Variants in ADAM12 observed in about 807,000 individuals in gnomAD.
The protein encoded by ADAM12 is ADAM metallopeptidase domain 12.
A neutral mutation model predicts 106.4 loss-of-function variants in ADAM12; 70 were observed. That is an observed-to-expected ratio of 0.66 (90% CI 0.54 to 0.80). ADAM12 has a LOEUF of 0.80. ADAM12 is among the 30% of genes least tolerant of loss of function. ADAM12 has a pLI of 0.00. For synonymous variants in ADAM12, 420 were observed against 433.5 expected (o/e 0.97, Z 0.39); for missense variants, 1,010 against 1,171.9 (o/e 0.86, Z 2.02).
intron 1 of ADAM12, among the ~76,000 whole-genome samples, chr10:126,352,270 T>C (rs11597735): frequency 0.28 from 42,094 of 152,146 alleles, 6,005 homozygotes; most frequent in Middle Eastern, 0.33. Context: ...CAACAGACAC[T>C]ATTGTCTGGC....
At chr10:126,342,269 G>A (rs1854957153) in intron 1 of ADAM12, among the ~76,000 whole-genome samples, 1 of 152,172 alleles carries the variant, frequency 6.6e-6, no homozygotes, top group Non-Finnish European at 1.5e-5. Context: ...GGTAGGTGCT[G>A]ACATGATTTT....
chr10:126,243,473 C>CTGTGTGTGTGTGTGTG (rs1215369145), intron 3 of ADAM12, among the ~76,000 whole-genome samples: 12 of 97,258 alleles, frequency 1.2e-4, no homozygotes, highest in Non-Finnish European at 1.4e-4. Flanking sequence ...GGGAGCAACT[C>CTGTGTGTGTGTGTGTG]TGTGTGTGTG....
chr10:126,346,757 A>G (rs1855155749), intron 1 of ADAM12, among the ~76,000 whole-genome samples: 2 of 152,088 alleles, frequency 1.3e-5, no homozygotes, highest in South Asian at 4.1e-4. Flanking sequence ...TGTTGAATTG[A>G]TCCCTTTACC....
intron 3 of ADAM12, among the ~76,000 whole-genome samples, chr10:126,219,441 G>T (rs1476177194): frequency 1.3e-5 from 2 of 152,084 alleles, no homozygotes; most frequent in Non-Finnish European, 2.9e-5. Flanking sequence ...TTAGCTATGT[G>T]CGACACAGAC....
At chr10:126,338,801 T>C (rs1358091446) in intron 1 of ADAM12, among the ~76,000 whole-genome samples, 1 of 152,224 alleles carries the variant, frequency 6.6e-6, no homozygotes, top group Non-Finnish European at 1.5e-5. Context: ...AAAATGAAAC[T>C]AATTGTTAAA....
chr10:126,375,051 G>A (rs1028476236), intron 1 of ADAM12, among the ~76,000 whole-genome samples: 1 of 151,980 alleles, frequency 6.6e-6, no homozygotes, highest in Admixed American at 6.6e-5. Flanking sequence ...GATACAACAG[G>A]TAATATCTGC....
chr10:126,345,126 T>C (rs1199711047), intron 1 of ADAM12, among the ~76,000 whole-genome samples: 2 of 152,144 alleles, frequency 1.3e-5, no homozygotes, highest in Non-Finnish European at 2.9e-5. Flanking sequence ...ATGCTTCCAG[T>C]TTTTGCCCAT....
intron 1 of ADAM12, among the ~76,000 whole-genome samples, chr10:126,366,258 G>A (rs144625653): frequency 0.017 from 2,565 of 152,230 alleles, 40 homozygotes; most frequent in Non-Finnish European, 0.021. Context: ...AAAAATGACA[G>A]ATGAATGAAT....
At chr10:126,322,813 T>G (rs1265830893) in intron 2 of ADAM12, among the ~76,000 whole-genome samples, 2 of 152,186 alleles carry the variant, frequency 1.3e-5, no homozygotes, top group African/African-American at 4.8e-5. Flanking sequence ...CCTCCCACCA[T>G]GCATGGAAAT....
At chr10:126,202,161 T>C (rs1210785135) in intron 3 of ADAM12, among the ~76,000 whole-genome samples, 2 of 152,244 alleles carry the variant, frequency 1.3e-5, no homozygotes, top group South Asian at 2.1e-4. Flanking sequence ...ATCCACCCCA[T>C]GTGGGGAAGT....
chr10:126,170,302 C>T (rs1674939), intron 3 of ADAM12, among the ~76,000 whole-genome samples: 4,242 of 152,142 alleles, frequency 0.028, 219 homozygotes, highest in African/African-American at 0.098. Context: ...CAGCAGGGAT[C>T]CGGGGCGGCG....
chr10:126,311,094 T>TACACACACACACACACACAC (rs67514376), intron 2 of ADAM12, among the ~76,000 whole-genome samples: 16 of 138,520 alleles, frequency 1.2e-4, no homozygotes, highest in South Asian at 2.5e-4. Context: ...TACACACAAA[T>TACACACACACACACACACAC]ACACACACAC....
chr10:126,071,386 A>G, intron 12 of ADAM12, 91 bp downstream of exon 12: 60 of 1,473,822 alleles, frequency 4.1e-5, no homozygotes, highest in Non-Finnish European at 5.5e-5. Context: ...TAGTACTTTC[A>G]TCTGGCTGTA....
chr10:126,225,644 C>A (rs988255576), intron 3 of ADAM12, among the ~76,000 whole-genome samples: 1 of 152,172 alleles, frequency 6.6e-6, no homozygotes, highest in Non-Finnish European at 1.5e-5. Context: ...GGCCTGGATT[C>A]CCCTTCACAA....
chr10:126,137,027 G>A (rs1956417676), intron 4 of ADAM12, among the ~76,000 whole-genome samples: 3 of 152,034 alleles, frequency 2.0e-5, no homozygotes, highest in African/African-American at 7.2e-5. Context: ...TGTTTTCAGG[G>A]TCACAAATAT....
intron 1 of ADAM12, among the ~76,000 whole-genome samples, chr10:126,331,797 T>A (rs1358265534): frequency 6.6e-6 from 1 of 152,152 alleles, no homozygotes; most frequent in Non-Finnish European, 1.5e-5. Flanking sequence ...TCTTCAGGGA[T>A]GAACCTGCAT....
intron 14 of ADAM12, among the ~76,000 whole-genome samples, chr10:126,059,696 C>G (rs1710300): frequency 0.66 from 100,443 of 151,662 alleles, 33,969 homozygotes; most frequent in East Asian, 0.93. Flanking sequence ...CCAAACATTG[C>G]ATTCTGGTGA....
At chr10:126,313,413 G>A (rs10901588) in intron 2 of ADAM12, among the ~76,000 whole-genome samples, 29,748 of 152,216 alleles carry the variant, frequency 0.2, 3,094 homozygotes, top group South Asian at 0.25. Flanking sequence ...CACCTTGGAA[G>A]CTGGCTATCA....
At chr10:126,258,231 CTT>C (rs1958931502) in intron 3 of ADAM12, among the ~76,000 whole-genome samples, 1 of 152,178 alleles carries the variant, frequency 6.6e-6, no homozygotes. Flanking sequence ...TACAAAAACA[CTT>C]TTATTTGCAA....
Sources: allele counts gnomAD v4.1 joint callset (sites outside exome capture counted in the v4.1 genomes callset), GRCh38; gene constraint gnomAD v4.1.1; transcripts MANE v1.5; gene names NCBI Gene and HGNC (gene_info 2026-07-23, HGNC 2026-07-21).